Variants in CHCHD6 observed in about 807,000 individuals in gnomAD.
The protein encoded by CHCHD6 is MICOS complex subunit MIC25.
CHCHD6 carries 28 observed loss-of-function variants against 32.3 expected under a neutral mutation model. The ratio of observed to expected loss-of-function variants is 0.87; its 90% CI spans 0.64 to 1.19. The LOEUF (loss-of-function observed/expected upper bound fraction) is 1.19. Ranked by LOEUF, CHCHD6 falls within the 50% of genes most tolerant of loss-of-function variation. The pLI is 0.00. For missense variants in CHCHD6, 333 were observed against 307.0 expected (o/e 1.08, Z -0.63); for synonymous variants, 122 against 117.5 (o/e 1.04, Z -0.25).
chr3:126,724,881 A>G (rs1204561186), intron 1 of CHCHD6, among the ~76,000 whole-genome samples: 1 of 152,170 alleles, frequency 6.6e-6, no homozygotes, highest in African/African-American at 2.4e-5. Flanking sequence ...TTCAAATTTG[A>G]TCCTGAGATT....
chr3:126,831,384 A>G (rs111891170), intron 4 of CHCHD6, among the ~76,000 whole-genome samples: 2 of 152,214 alleles, frequency 1.3e-5, no homozygotes, highest in African/African-American at 4.8e-5. Context: ...CAATCCTTCT[A>G]AGGCAGTGTT....
At chr3:126,780,369 A>G (rs1476441193) in intron 4 of CHCHD6, 2 of 429,866 alleles carry the variant, frequency 4.7e-6, no homozygotes, top group African/African-American at 2.0e-5. Context: ...CAAAAGTCCA[A>G]AGGTATCCAA....
intron 4 of CHCHD6, among the ~76,000 whole-genome samples, chr3:126,789,307 G>A (rs1938397939): frequency 6.6e-6 from 1 of 151,988 alleles, no homozygotes; most frequent in South Asian, 2.1e-4. Flanking sequence ...TGTTGATTTG[G>A]GGTGGAGAGT....
chr3:126,900,622 G>C (rs1219234703), intron 5 of CHCHD6, among the ~76,000 whole-genome samples: 1 of 37,676 alleles, frequency 2.7e-5, no homozygotes, highest in East Asian at 6.5e-4. Context: ...TTTTTTTTTT[G>C]AGGCGGAGTT....
At chr3:126,790,673 T>G (rs1345048864) in intron 4 of CHCHD6, among the ~76,000 whole-genome samples, 3 of 152,252 alleles carry the variant, frequency 2.0e-5, no homozygotes, top group African/African-American at 4.8e-5. Context: ...TTCAGCTCCA[T>G]CAGGTCATTT....
intron 5 of CHCHD6, among the ~76,000 whole-genome samples, chr3:126,855,841 G>T (rs1016081733): frequency 2.6e-5 from 4 of 152,174 alleles, no homozygotes; most frequent in African/African-American, 9.7e-5. Flanking sequence ...GAGACATCGG[G>T]TTTTATTTGC....
At chr3:126,855,831 G>A (rs909364493) in intron 5 of CHCHD6, among the ~76,000 whole-genome samples, 1 of 152,196 alleles carries the variant, frequency 6.6e-6, no homozygotes, top group African/African-American at 2.4e-5. Context: ...GCCGGCAAAT[G>A]AGACATCGGG....
At chr3:126,877,165 C>T (rs1028855444) in intron 5 of CHCHD6, among the ~76,000 whole-genome samples, 2 of 152,206 alleles carry the variant, frequency 1.3e-5, no homozygotes, top group African/African-American at 2.4e-5. Context: ...GGAATTGTTA[C>T]TCATAGCGGG....
At chr3:126,724,431 A>T (rs1474309891) in intron 1 of CHCHD6, among the ~76,000 whole-genome samples, 1 of 152,196 alleles carries the variant, frequency 6.6e-6, no homozygotes, top group African/African-American at 2.4e-5. Context: ...TAAAAAGTGT[A>T]TATACCTTAA....
intron 6 of CHCHD6, among the ~76,000 whole-genome samples, chr3:126,920,385 C>T (rs1267475145): frequency 1.3e-5 from 2 of 151,720 alleles, no homozygotes; most frequent in East Asian, 3.9e-4. Flanking sequence ...GATTGAGTGC[C>T]AGAAATTGTC....
chr3:126,822,632 A>G (rs1287495205), intron 4 of CHCHD6, among the ~76,000 whole-genome samples: 1 of 152,242 alleles, frequency 6.6e-6, no homozygotes, highest in East Asian at 1.9e-4. Flanking sequence ...TTGATAGGAA[A>G]TGTATTGAAT....
intron 4 of CHCHD6, among the ~76,000 whole-genome samples, chr3:126,759,760 G>T (rs1937095135): frequency 6.6e-6 from 1 of 152,134 alleles, no homozygotes; most frequent in Non-Finnish European, 1.5e-5. Flanking sequence ...GGTTAAGGTG[G>T]TTTATACCAC....
At chr3:126,857,574 A>T (rs1206333420) in intron 5 of CHCHD6, among the ~76,000 whole-genome samples, 1 of 152,190 alleles carries the variant, frequency 6.6e-6, no homozygotes, top group Non-Finnish European at 1.5e-5. Flanking sequence ...TCCCTATCCC[A>T]GGCACACTGG....
intron 4 of CHCHD6, among the ~76,000 whole-genome samples, chr3:126,772,374 A>G (rs1376510747): frequency 1.3e-5 from 2 of 152,212 alleles, no homozygotes; most frequent in Non-Finnish European, 2.9e-5. Flanking sequence ...CTGGAATTAC[A>G]GGCGTGATCA....
chr3:126,814,830 G>A (rs906403830), intron 4 of CHCHD6, among the ~76,000 whole-genome samples: 6 of 152,326 alleles, frequency 3.9e-5, no homozygotes, highest in South Asian at 2.1e-4. Flanking sequence ...GTCAGTCAGC[G>A]TTCTGGAGGC....
At chr3:126,887,355 C>T (rs1377699543) in intron 5 of CHCHD6, among the ~76,000 whole-genome samples, 1 of 151,928 alleles carries the variant, frequency 6.6e-6, no homozygotes, top group East Asian at 1.9e-4. Context: ...TTTAAAAGTG[C>T]TAACTTTCAT....
chr3:126,714,977 G>C (rs1018070880), intron 1 of CHCHD6, among the ~76,000 whole-genome samples: 1 of 152,074 alleles, frequency 6.6e-6, no homozygotes, highest in African/African-American at 2.4e-5. Context: ...AATGTGCCTA[G>C]GTAGTTAACA....
At chr3:126,752,682 G>A (rs1231588910) in intron 4 of CHCHD6, among the ~76,000 whole-genome samples, 2 of 152,162 alleles carry the variant, frequency 1.3e-5, no homozygotes, top group Non-Finnish European at 2.9e-5. Context: ...GGTTGACCAG[G>A]TTTGTACTGC....
At chr3:126,838,084 G>A (rs1229508156) in intron 4 of CHCHD6, among the ~76,000 whole-genome samples, 1 of 152,204 alleles carries the variant, frequency 6.6e-6, no homozygotes, top group Non-Finnish European at 1.5e-5. Flanking sequence ...GAAGAAAGCA[G>A]CATGAGCAGA....
Sources: allele counts gnomAD v4.1 joint callset (sites outside exome capture counted in the v4.1 genomes callset), GRCh38; gene constraint gnomAD v4.1.1; transcripts MANE v1.5; gene names NCBI Gene and HGNC (gene_info 2026-07-23, HGNC 2026-07-21).